The following MEIKIN variants were observed in gnomAD, a reference collection of about 807,000 sequenced individuals.
MEIKIN encodes meiosis-specific kinetochore protein.
chr5:131,885,793 C>A (rs1219930007), intron 8 of MEIKIN, among the ~76,000 whole-genome samples: 2 of 152,184 alleles, frequency 1.3e-5, no homozygotes, highest in African/African-American at 4.8e-5. Context: ...GAGCACCAAA[C>A]AGGCTCACCA....
intron 11 of MEIKIN, among the ~76,000 whole-genome samples, chr5:131,832,538 C>T (rs1049813007): frequency 3.9e-5 from 6 of 152,166 alleles, no homozygotes; most frequent in Non-Finnish European, 8.8e-5. Context: ...GCCCTTTTCT[C>T]ACAGCTCCAG....
intron 11 of MEIKIN, among the ~76,000 whole-genome samples, chr5:131,841,781 T>C (rs1749918905): frequency 6.6e-6 from 1 of 152,230 alleles, no homozygotes; most frequent in Non-Finnish European, 1.5e-5. Flanking sequence ...CTTATAATTT[T>C]TAGTATATAG....
chr5:131,854,567 A>C (rs908781089), intron 10 of MEIKIN, among the ~76,000 whole-genome samples, 187 bp downstream of exon 10: 5 of 152,188 alleles, frequency 3.3e-5, no homozygotes, highest in African/African-American at 1.2e-4. Flanking sequence ...GCAGTACTCT[A>C]ATTTTTCCTT....
intron 5 of MEIKIN, among the ~76,000 whole-genome samples, chr5:131,925,660 GTGTTTTTTTTGTTTTT>G (rs1434003337): frequency 2.6e-5 from 4 of 151,716 alleles, no homozygotes; most frequent in African/African-American, 9.7e-5. Context: ...ATAAGTTTTT[GTGTTTTTTTTGTTTTT>G]TGTTTTTTTT....
rs150866018 is a variant in MEIKIN at position 131,936,809 on chromosome 5, A to C, written c.350-3168T>G. Among the ~76,000 whole-genome samples, 1,135 of 152,118 alleles carry C rather than the reference A, an allele frequency of 7.5e-3. 15 individuals carry two copies. The highest frequency in any genetic ancestry group is 0.027 in the African/African-American group (1,102 of 41,500). ...TGGTCTCGAACTCCTGACCTCAAGT[A>C]ATCCTCCCACCTTGGCCTCCCATAG... On this transcript the variant is annotated intron_variant, in intron 4 of 12. Transcript: ENST00000442687.
rs183698818 is a variant in MEIKIN, at chr5:131,923,080, G to A, written c.479-1139C>T. 4.0e-3 allele frequency among the ~76,000 whole-genome samples: 612 copies of A among 152,288 alleles called. 4 individuals carry two copies. Among genetic ancestry groups the A allele is most frequent in the African/African-American group, 0.014 (582 of 41,540 alleles). On this transcript the variant is annotated intron_variant, in intron 5 of 12. Transcript: ENST00000442687. ...CTAATATTTTATTTGTGTAGAGACA[G>A]TTTCGCCATGTTGGCCAGGCTTGTC...
At chr5:131,870,928 G>A (rs1339242114) in intron 9 of MEIKIN, among the ~76,000 whole-genome samples, 2 of 152,098 alleles carry the variant, frequency 1.3e-5, no homozygotes, top group African/African-American at 4.8e-5. Context: ...ATAGGCTTTA[G>A]ATCCGGAAAG....
intron 8 of MEIKIN, among the ~76,000 whole-genome samples, chr5:131,890,912 TTG>T (rs557232083): frequency 1.8e-3 from 271 of 152,358 alleles, no homozygotes; most frequent in Non-Finnish European, 3.1e-3. Context: ...GTCTGGTATT[TTG>T]TGTCTTTGTT....
intron 8 of MEIKIN, among the ~76,000 whole-genome samples, chr5:131,894,864 C>T (rs1460080956): frequency 6.6e-6 from 1 of 152,284 alleles, no homozygotes; most frequent in East Asian, 1.9e-4. Flanking sequence ...ATTTTACTTC[C>T]TCTTTTCCGA....
At chr5:131,847,862 A>C (rs1278847811) in intron 11 of MEIKIN, among the ~76,000 whole-genome samples, 3 of 152,114 alleles carry the variant, frequency 2.0e-5, no homozygotes, top group Admixed American at 2.0e-4. Flanking sequence ...ATTAAAAAAA[A>C]CCAGAGTTTG....
At chr5:131,859,012 T>C (rs1750239734) in intron 9 of MEIKIN, among the ~76,000 whole-genome samples, 2 of 152,180 alleles carry the variant, frequency 1.3e-5, no homozygotes, top group South Asian at 4.1e-4. Context: ...TGGAAAGCAA[T>C]TTGGTGATTT....
At chr5:131,808,480 C>T (rs973010769) in intron 12 of MEIKIN, among the ~76,000 whole-genome samples, 3 of 152,158 alleles carry the variant, frequency 2.0e-5, no homozygotes, top group African/African-American at 7.2e-5. Context: ...TGCACCAGTA[C>T]CTATGTTAGT....
chr5:131,841,808 G>A (rs751976171), intron 11 of MEIKIN, among the ~76,000 whole-genome samples: 21 of 151,974 alleles, frequency 1.4e-4, no homozygotes, highest in Admixed American at 2.6e-4. Context: ...TGCCTCCTTG[G>A]TTGTATTTGT....
At chr5:131,828,156 T>C (rs1749646913) in intron 11 of MEIKIN, among the ~76,000 whole-genome samples, 1 of 152,128 alleles carries the variant, frequency 6.6e-6, no homozygotes, top group South Asian at 2.1e-4. Flanking sequence ...AAAGGTTTAA[T>C]ATAAGATTTG....
chr5:131,841,237 G>T (rs186000451), intron 11 of MEIKIN, among the ~76,000 whole-genome samples: 107 of 152,224 alleles, frequency 7.0e-4, no homozygotes, highest in African/African-American at 2.5e-3. Context: ...GTGGTTGCGG[G>T]GGTGAGGTGC....
intron 4 of MEIKIN, among the ~76,000 whole-genome samples, chr5:131,935,033 C>T (rs1381873319): frequency 2.7e-5 from 4 of 150,782 alleles, no homozygotes; most frequent in Admixed American, 1.3e-4. Context: ...TGAACTCCAG[C>T]CTGGTGACAG....
intron 9 of MEIKIN, among the ~76,000 whole-genome samples, chr5:131,870,626 AATAGCATCTT>A (rs1750472642): frequency 6.6e-6 from 1 of 152,190 alleles, no homozygotes; most frequent in African/African-American, 2.4e-5. Flanking sequence ...TATCACACTA[AATAGCATCTT>A]TATCCACTAA....
intron 11 of MEIKIN, among the ~76,000 whole-genome samples, chr5:131,833,923 A>G (rs1223962593): frequency 6.6e-6 from 1 of 152,216 alleles, no homozygotes; most frequent in East Asian, 1.9e-4. Flanking sequence ...TTCTACACAG[A>G]TATTCTCAGA....
chr5:131,891,419 T>G (rs1253411344), intron 8 of MEIKIN, among the ~76,000 whole-genome samples: 1 of 152,226 alleles, frequency 6.6e-6, no homozygotes, highest in Non-Finnish European at 1.5e-5. Flanking sequence ...GATGCATATA[T>G]ATTTAGGATA....
Sources: allele counts gnomAD v4.1 joint callset (sites outside exome capture counted in the v4.1 genomes callset), GRCh38; gene constraint gnomAD v4.1.1; transcripts MANE v1.5; gene names NCBI Gene and HGNC (gene_info 2026-07-23, HGNC 2026-07-21).